TANC1: variants seen among roughly 807,000 people sequenced by gnomAD.
TANC1 encodes protein TANC1.
A neutral mutation model predicts 149.7 loss-of-function variants in TANC1; 77 were observed. The observed-to-expected ratio is 0.51, with a 90% CI of 0.43 to 0.62. TANC1 has a LOEUF of 0.62. TANC1 is among the 20% of genes least tolerant of loss of function. The pLI is 0.00. For synonymous variants in TANC1, 854 were observed against 925.0 expected (o/e 0.92, Z 1.39); for missense variants, 1,985 against 2,321.8 (o/e 0.85, Z 2.98).
intron 2 of TANC1, among the ~76,000 whole-genome samples, chr2:159,048,918 A>G (rs1439118798): frequency 6.6e-6 from 1 of 152,166 alleles, no homozygotes; most frequent in African/African-American, 2.4e-5. Context: ...GGCATGAGCC[A>G]CCACAATTGG....
At chr2:159,137,181 G>T (rs1296313907) in intron 5 of TANC1, among the ~76,000 whole-genome samples, 1 of 152,180 alleles carries the variant, frequency 6.6e-6, no homozygotes, top group East Asian at 1.9e-4. Context: ...CCTAATTGTG[G>T]GTGGTGGGAG....
intron 5 of TANC1, among the ~76,000 whole-genome samples, chr2:159,142,306 G>T (rs2051464171): frequency 6.6e-6 from 1 of 152,204 alleles, no homozygotes; most frequent in Non-Finnish European, 1.5e-5. Context: ...ATAATACGGA[G>T]AAGGTATTTA....
chr2:159,145,599 A>G (rs1406999916), intron 5 of TANC1, among the ~76,000 whole-genome samples: 1 of 152,192 alleles, frequency 6.6e-6, no homozygotes, highest in Non-Finnish European at 1.5e-5. Flanking sequence ...TAAAGTTATG[A>G]TGGCAGTCGG....
At chr2:159,014,208 T>C (rs1050950910) in intron 2 of TANC1, among the ~76,000 whole-genome samples, 6 of 152,202 alleles carry the variant, frequency 3.9e-5, no homozygotes, top group Non-Finnish European at 1.5e-5. Flanking sequence ...TAATTGGGCT[T>C]ACAGTTCCAC....
intron 19 of TANC1, among the ~76,000 whole-genome samples, chr2:159,212,377 C>T (rs1047505292): frequency 6.6e-6 from 1 of 152,174 alleles, no homozygotes; most frequent in African/African-American, 2.4e-5. Context: ...TGGTTCAATA[C>T]CCAGATCTTC....
At position 159,186,986 on chromosome 2, in the gene TANC1, C is replaced by T; in HGVS notation, c.2704C>T (p.Leu902=). 6.2e-7 allele frequency: 1 copy of T among 1,614,236 alleles called. No homozygotes were observed. Among genetic ancestry groups the T allele is most frequent in the Non-Finnish European group, 8.5e-7 (1 of 1,180,036 alleles). The change falls in exon 16 of 27, where the codon CTG becomes TTG. Residue 902 remains leucine (L), a synonymous_variant. Coordinates refer to ENST00000263635, the MANE Select transcript of TANC1 (RefSeq NM_033394.3). Reference sequence around the variant, plus strand: ...CAGCACCGAGGGGCTGTCCGCCGCCCTGGCCTCTCTCAGGAATCTCTATAC... The same window carrying T: ...CAGCACCGAGGGGCTGTCCGCCGCCTTGGCCTCTCTCAGGAATCTCTATAC... ...GYSTEGLSAA[L]ASLRNLYTPN...
intron 18 of TANC1, 22 bp downstream of exon 18, chr2:159,196,815 C>T (rs2057889229): frequency 1.3e-6 from 2 of 1,585,916 alleles, no homozygotes; most frequent in Middle Eastern, 1.9e-4. Context: ...AGGGGTTTCC[C>T]TCCTGGGAAA....
At chr2:159,123,982 C>T (rs146783192) in intron 4 of TANC1, among the ~76,000 whole-genome samples, 1 of 152,254 alleles carries the variant, frequency 6.6e-6, no homozygotes, top group Non-Finnish European at 1.5e-5. Flanking sequence ...GTTTTGTCTT[C>T]ATACTTGAAT....
chr2:159,145,024 C>T (rs185260163), intron 5 of TANC1, among the ~76,000 whole-genome samples: 14 of 147,832 alleles, frequency 9.5e-5, no homozygotes, highest in East Asian at 3.9e-4. Flanking sequence ...CTGAGGAGGA[C>T]GAGAATGGAG....
chr2:159,154,018 G>A (rs80249730), intron 7 of TANC1, among the ~76,000 whole-genome samples: 5,648 of 152,268 alleles, frequency 0.037, 219 homozygotes, highest in Admixed American at 0.11. Context: ...CACAGGGCCT[G>A]GAGAAGGCAG....
intron 22 of TANC1, among the ~76,000 whole-genome samples, chr2:159,223,184 C>T (rs1021460195): frequency 2.6e-5 from 4 of 152,200 alleles, no homozygotes; most frequent in Admixed American, 6.5e-5. Context: ...GGATTACAGG[C>T]GTGAGCCATC....
chr2:159,046,808 T>C (rs186852071), intron 2 of TANC1, among the ~76,000 whole-genome samples: 1 of 152,002 alleles, frequency 6.6e-6, no homozygotes, highest in East Asian at 1.9e-4. Context: ...TTCACCATGT[T>C]ACCCAGGCTG....
In TANC1 at chr2:159,216,567, C is replaced by T. The variant is rs188278756; in HGVS notation, c.3245-930C>T. Among the ~76,000 whole-genome samples, 103 of 152,310 alleles carry T rather than the reference C, an allele frequency of 6.8e-4. 1 individual carries two copies. Among genetic ancestry groups the T allele is most frequent in the Admixed American group, 5.9e-3 (91 of 15,310 alleles). The stretch of plus-strand genomic sequence containing the variant: ...AGAAGCAACTCTTCGAACTACACCC[C>T]CTGCTTATTACCCCCAAATTAAGAA... On this transcript the variant is annotated intron_variant, in intron 19 of 26. Coordinates refer to ENST00000263635, the MANE Select transcript of TANC1 (RefSeq NM_033394.3).
intron 1 of TANC1, among the ~76,000 whole-genome samples, chr2:158,997,624 G>A (rs1401300887): frequency 2.0e-5 from 3 of 152,156 alleles, no homozygotes; most frequent in Non-Finnish European, 4.4e-5. Context: ...AAGGATGTGG[G>A]CATGTCTGAA....
chr2:159,145,418 G>C (rs2051952582), intron 5 of TANC1, among the ~76,000 whole-genome samples: 1 of 152,196 alleles, frequency 6.6e-6, no homozygotes, highest in African/African-American at 2.4e-5. Flanking sequence ...CATTGGTTTT[G>C]AGCCTCACAA....
chr2:159,047,396 C>T lies in TANC1; in HGVS notation c.-15-18500C>T, dbSNP rs531972562. 1.8e-4 allele frequency among the ~76,000 whole-genome samples: 28 copies of T among 152,006 alleles called. No homozygotes were observed. In the East Asian group the frequency reaches 5.0e-3, roughly 27 times the overall value. On this transcript the variant is annotated intron_variant, in intron 2 of 26. Transcript: ENST00000263635. ...TAATTTCCTAAATAAAGAAGGAAAA[C>T]GCAAACTTAAGTCATTCCACCGTGA...
At chr2:159,151,487 C>T (rs1353648494) in intron 7 of TANC1, among the ~76,000 whole-genome samples, 1 of 152,226 alleles carries the variant, frequency 6.6e-6, no homozygotes. Context: ...GAGTTATGCA[C>T]GTGTCTTTGA....
intron 4 of TANC1, among the ~76,000 whole-genome samples, chr2:159,111,554 T>A (rs1352525887): frequency 1.3e-5 from 2 of 152,178 alleles, no homozygotes; most frequent in African/African-American, 4.8e-5. Flanking sequence ...GAGCACCAGA[T>A]GAAGTAGATA....
intron 3 of TANC1, among the ~76,000 whole-genome samples, chr2:159,070,812 T>C (rs965010548): frequency 6.6e-6 from 1 of 152,160 alleles, no homozygotes; most frequent in African/African-American, 2.4e-5. Flanking sequence ...ATTGGGCAGG[T>C]TCCCTCCCCT....
Sources: allele counts gnomAD v4.1 joint callset (sites outside exome capture counted in the v4.1 genomes callset), GRCh38; gene constraint gnomAD v4.1.1; transcripts MANE v1.5; gene names NCBI Gene and HGNC (gene_info 2026-07-23, HGNC 2026-07-21).